PVT1: variants seen among roughly 807,000 people sequenced by gnomAD.
PVT1 encodes the protein CXCR4/PVT1 fusion.
At chr8:127,804,683 C>T (rs1381303378) in intron 2 of PVT1, among the ~76,000 whole-genome samples, 19 of 149,650 alleles carry the variant, frequency 1.3e-4, no homozygotes, top group Admixed American at 2.0e-4. Flanking sequence ...GGGATGCCAC[C>T]GTGCCCGGCT....
At chr8:128,065,718 G>T (rs552217761) in intron 4 of PVT1, among the ~76,000 whole-genome samples, 7 of 151,336 alleles carry the variant, frequency 4.6e-5, no homozygotes, top group African/African-American at 1.5e-4. Flanking sequence ...ATGCACCAAG[G>T]GGGGAAGAAG....
At chr8:127,871,441 C>T (rs962971303) in intron 2 of PVT1, among the ~76,000 whole-genome samples, 60 of 152,158 alleles carry the variant, frequency 3.9e-4, no homozygotes, top group Non-Finnish European at 1.6e-4. Flanking sequence ...TGTGTGATGT[C>T]GGCACAGCTG....
chr8:127,897,898 AG>A (rs1303914641), intron 3 of PVT1, among the ~76,000 whole-genome samples: 12 of 150,750 alleles, frequency 8.0e-5, no homozygotes, highest in African/African-American at 1.2e-4. Flanking sequence ...AAAGAAAGAA[AG>A]AAAAAAAGAC....
chr8:127,894,244 T>C (rs1815646137), intron 3 of PVT1, among the ~76,000 whole-genome samples: 1 of 152,142 alleles, frequency 6.6e-6, no homozygotes, highest in Non-Finnish European at 1.5e-5. Flanking sequence ...GCCTGGAGCC[T>C]CTGATGGTCT....
At chr8:127,897,879 GA>G (rs1815704407) in intron 3 of PVT1, among the ~76,000 whole-genome samples, 5 of 83,442 alleles carry the variant, frequency 6.0e-5, no homozygotes, top group African/African-American at 1.0e-4. Context: ...AGGAAAGAAA[GA>G]AAGAAAGAAA....
intron 3 of PVT1, among the ~76,000 whole-genome samples, chr8:127,894,064 T>A (rs1717074523): frequency 6.6e-6 from 1 of 152,230 alleles, no homozygotes; most frequent in Non-Finnish European, 1.5e-5. Context: ...AGCCCTGTTA[T>A]CCCTGACTGC....
At chr8:128,005,596 T>C (rs1460608177) in intron 4 of PVT1, among the ~76,000 whole-genome samples, 2 of 152,170 alleles carry the variant, frequency 1.3e-5, no homozygotes, top group Admixed American at 1.3e-4. Flanking sequence ...AGAACATCCC[T>C]CTGCATCCGG....
intron 2 of PVT1, among the ~76,000 whole-genome samples, chr8:127,800,607 C>G (rs1025148192): frequency 6.6e-6 from 1 of 152,102 alleles, no homozygotes; most frequent in Admixed American, 6.5e-5. Context: ...CTTCCATTCC[C>G]CTTCCTGAGT....
intron 2 of PVT1, among the ~76,000 whole-genome samples, chr8:127,881,435 A>ATTATTAT (rs145675614): frequency 6.0e-5 from 6 of 100,840 alleles, no homozygotes; most frequent in African/African-American, 3.4e-4. Flanking sequence ...TATTGTTATT[A>ATTATTAT]TATTATTATT....
intron 5 of PVT1, among the ~76,000 whole-genome samples, chr8:128,084,478 A>G (rs909674017): frequency 9.9e-5 from 15 of 151,964 alleles, no homozygotes; most frequent in Non-Finnish European, 2.2e-4. Context: ...ATTTCCCATC[A>G]TTATCTGTAG....
At chr8:127,937,992 T>C (rs912233629) in intron 3 of PVT1, among the ~76,000 whole-genome samples, 2 of 152,220 alleles carry the variant, frequency 1.3e-5, no homozygotes, top group East Asian at 3.9e-4. Flanking sequence ...GTTTTCCTCA[T>C]CAGGCTCCTG....
In PVT1 at chr8:127,817,535, A is replaced by ATG. The variant is rs1440203342; in HGVS notation, n.372+21465_372+21466insGT. 3.1e-3 allele frequency among the ~76,000 whole-genome samples: 284 copies of ATG among 91,398 alleles called. 5 individuals are homozygous for ATG. The highest frequency in any genetic ancestry group is 5.1e-3 in the African/African-American group (132 of 25,842). The allele number at this position is 91,398 out of a possible 152,430, so 60.0% of individuals were successfully genotyped here. On this transcript the variant is annotated intron_variant and non_coding_transcript_variant, in intron 2 of 10. Transcript: ENST00000651587. ...AATAGATATATCTATTTAAATATAT[A>ATG]TATATATATATACACACACACACAC...
chr8:127,841,786 C>A (rs1282730939), intron 2 of PVT1, among the ~76,000 whole-genome samples: 1 of 150,102 alleles, frequency 6.7e-6, no homozygotes, highest in Non-Finnish European at 1.5e-5. Flanking sequence ...AGTGCAGTGG[C>A]ACAATCTTGG....
chr8:128,074,373 AT>A (rs1814053444), intron 5 of PVT1, among the ~76,000 whole-genome samples: 1 of 141,826 alleles, frequency 7.1e-6, no homozygotes, highest in African/African-American at 2.6e-5. Flanking sequence ...AAAAAAAAAA[AT>A]TAGTGGGGTG....
intron 2 of PVT1, among the ~76,000 whole-genome samples, chr8:127,868,794 C>CACGTAT (rs1554593022): frequency 1.3e-3 from 12 of 8,962 alleles, no homozygotes; most frequent in South Asian, 3.3e-3. Flanking sequence ...TATATATATA[C>CACGTAT]ATATATATGT....
At chr8:127,937,965 G>A (rs1391778552) in intron 3 of PVT1, among the ~76,000 whole-genome samples, 1 of 152,178 alleles carries the variant, frequency 6.6e-6, no homozygotes, top group Non-Finnish European at 1.5e-5. Context: ...TGTGGAGGTC[G>A]ACACTGGAGT....
At chr8:128,082,103 G>A (rs1163600090) in intron 5 of PVT1, among the ~76,000 whole-genome samples, 1 of 152,218 alleles carries the variant, frequency 6.6e-6, no homozygotes, top group African/African-American at 2.4e-5. Flanking sequence ...GATAATAGCA[G>A]TGACAACAAT....
chr8:128,010,562 C>T (rs552375650), intron 4 of PVT1: 12 of 152,280 alleles, frequency 7.9e-5, no homozygotes, highest in East Asian at 1.9e-4. Flanking sequence ...TAGCAATAAT[C>T]GCACCTCGGT....
intron 2 of PVT1, among the ~76,000 whole-genome samples, chr8:127,813,979 C>T (rs569211372): frequency 1.3e-5 from 2 of 152,288 alleles, no homozygotes; most frequent in Admixed American, 1.3e-4. Context: ...GACGGGGTTT[C>T]GCTATGTTGG....
Sources: allele counts gnomAD v4.1 joint callset (sites outside exome capture counted in the v4.1 genomes callset), GRCh38; gene constraint gnomAD v4.1.1; transcripts MANE v1.5; gene names NCBI Gene and HGNC (gene_info 2026-07-23, HGNC 2026-07-21).